The following LRRFIP1 variants were observed in gnomAD, a reference collection of about 807,000 sequenced individuals.
The protein encoded by LRRFIP1 is LRR binding FLII interacting protein 1, also known as leucine-rich repeat flightless-interacting protein 1.
In LRRFIP1, 62 loss-of-function variants were observed where a neutral mutation model predicts 104.4. The observed-to-expected ratio is 0.59, with a 90% CI of 0.48 to 0.73. The LOEUF is 0.73. Ranked by LOEUF, LRRFIP1 falls within the 30% of genes least tolerant of loss-of-function variation. The pLI is 0.00. For synonymous variants in LRRFIP1, 300 were observed against 299.0 expected (o/e 1.00, Z -0.03); for missense variants, 796 against 824.5 (o/e 0.97, Z 0.42).
Position 237,769,953 on chromosome 2 carries a change from G to A in LRRFIP1, c.1470G>A (p.Leu490=), listed in dbSNP as rs2060481734. The A allele has an allele frequency of 3.7e-6, 6 of 1,603,658 alleles. No homozygotes were observed. Among genetic ancestry groups the A allele is most frequent in the Admixed American group, 1.7e-5 (1 of 58,712 alleles). The change falls in exon 20 of 24, where the codon TTG becomes TTA. Residue 490 remains leucine (L), a synonymous_variant. Transcript: ENST00000308482. Reference sequence around the variant, plus strand: ...TTGTGATTTCTTTAGATATTAGGTTGAAAAAGCTGGTTGATGAACGGGAAT... The same window carrying A: ...TTGTGATTTCTTTAGATATTAGGTTAAAAAAGCTGGTTGATGAACGGGAAT... ...STGDGTLDIR[L]KKLVDERECL...
intron 1 of LRRFIP1, among the ~76,000 whole-genome samples, chr2:237,697,660 A>G (rs1475977970): frequency 6.6e-6 from 1 of 152,160 alleles, no homozygotes; most frequent in African/African-American, 2.4e-5. Context: ...CTCAGAGGAA[A>G]CAATTTAAAT....
At chr2:237,731,334 T>G (rs1052085548) in intron 8 of LRRFIP1, among the ~76,000 whole-genome samples, 2 of 152,078 alleles carry the variant, frequency 1.3e-5, no homozygotes, top group Non-Finnish European at 2.9e-5. Flanking sequence ...AGGGCACTTC[T>G]TCCTCACCTC....
At chr2:237,670,703 G>A (rs1319729671) in intron 1 of LRRFIP1, among the ~76,000 whole-genome samples, 1 of 152,226 alleles carries the variant, frequency 6.6e-6, no homozygotes, top group Admixed American at 6.5e-5. Context: ...GGTCCTGCCT[G>A]CCTGGGCCCA....
rs934879265 is a variant in LRRFIP1, at chr2:237,760,345, A to G, written c.1459+140A>G. 7.6e-5 allele frequency: 76 copies of G among 1,006,210 alleles called. 1 individual carries two copies. The East Asian group carries it at 2.0e-3, about 26-fold the overall frequency. The allele number at this position is 1,006,210 out of a possible 1,614,324, so 62.3% of individuals were successfully genotyped here. A position where few individuals can be genotyped will look rare whatever the true frequency, so the allele number is the denominator to read the frequency against. On this transcript the variant is annotated intron_variant, in intron 19 of 23. Transcript: ENST00000308482. The stretch of plus-strand genomic sequence containing the variant: ...GCCATTTGTTTCATCACTTCATGGT[A>G]ATTTCCTTGCCCACCCGGTGTGGTC...
chr2:237,711,240 G>A lies in LRRFIP1; in HGVS notation c.183+2610G>A, dbSNP rs1027125604. 2.0e-5 allele frequency among the ~76,000 whole-genome samples: 3 copies of A among 152,166 alleles called. No individual in the cohort carries two copies. The highest frequency in any genetic ancestry group is 2.9e-5 in the Non-Finnish European group (2 of 68,028). ...ATCTGATGAAATCGGGAAGTCTCAC[G>A]TAAAACGCCATGGTTTGCCTTCTTC... On this transcript the variant is annotated intron_variant, in intron 2 of 23. Coordinates refer to ENST00000308482, the MANE Select transcript of LRRFIP1 (RefSeq NM_001137550.2). The surrounding 1 kb of genome is among the most constrained non-coding windows in gnomAD (Gnocchi z 4.4).
chr2:237,765,855 T>C, intron 19 of LRRFIP1: 2 of 978,034 alleles, frequency 2.0e-6, no homozygotes, highest in Non-Finnish European at 2.4e-6. Flanking sequence ...AAAACCTCAA[T>C]AAAATTTGAG....
intron 1 of LRRFIP1, among the ~76,000 whole-genome samples, chr2:237,698,632 G>A (rs1277504149): frequency 6.6e-6 from 1 of 152,228 alleles, no homozygotes; most frequent in African/African-American, 2.4e-5. Flanking sequence ...GGTAATTTCA[G>A]TCTACTCCAT....
chr2:237,728,784 C>G (rs1362555436), intron 8 of LRRFIP1, among the ~76,000 whole-genome samples: 1 of 151,758 alleles, frequency 6.6e-6, no homozygotes, highest in East Asian at 1.9e-4. Flanking sequence ...TTAAATTATA[C>G]TTTTGGGCTT....
intron 19 of LRRFIP1, chr2:237,763,555 T>C (rs1014257214): frequency 7.4e-6 from 12 of 1,613,038 alleles, no homozygotes; most frequent in African/African-American, 4.0e-5. Flanking sequence ...TAAAGTCTAC[T>C]GACAGAAAGT....
At chr2:237,680,910 G>T (rs533678788) in intron 1 of LRRFIP1, among the ~76,000 whole-genome samples, 1 of 152,218 alleles carries the variant, frequency 6.6e-6, no homozygotes, top group Non-Finnish European at 1.5e-5. Context: ...GAGCCCAAGA[G>T]GTGGAGGCTG....
At chr2:237,677,215 C>A (rs902633191) in intron 1 of LRRFIP1, among the ~76,000 whole-genome samples, 3 of 152,164 alleles carry the variant, frequency 2.0e-5, no homozygotes, top group Non-Finnish European at 4.4e-5. Context: ...CTCCATCCAG[C>A]CCTGGCACCC....
rs556961233 is a variant in LRRFIP1 at position 237,717,439 on chromosome 2, C to A, written c.202-323C>A. On this transcript the variant is annotated intron_variant, in intron 3 of 23. Coordinates refer to ENST00000308482, the MANE Select transcript of LRRFIP1 (RefSeq NM_001137550.2). This position sits in a 1 kb window ranked among gnomAD's most constrained non-coding sequence, Gnocchi z 4.2. ...GGCATGAGCAGCCTGTTGGAGGGGG[C>A]GTGAAGGCTGCTGGGCCGGCTTTAC... Among the ~76,000 whole-genome samples the A allele has an allele frequency of 5.5e-4, 83 of 152,192 alleles. No homozygotes were observed. Among genetic ancestry groups the A allele is most frequent in the Non-Finnish European group, 1.0e-3 (70 of 68,022 alleles).
intron 1 of LRRFIP1, among the ~76,000 whole-genome samples, chr2:237,641,546 A>G (rs988909534): frequency 6.6e-6 from 1 of 151,880 alleles, no homozygotes; most frequent in African/African-American, 2.4e-5. Flanking sequence ...GACTTAGTCA[A>G]TCTTTTCTCC....
intron 1 of LRRFIP1, among the ~76,000 whole-genome samples, chr2:237,662,896 C>T (rs1004859160): frequency 1.3e-5 from 2 of 152,114 alleles, no homozygotes; most frequent in East Asian, 1.9e-4. Context: ...CAGGCATTAC[C>T]GCTCCTTTCC....
rs574424071 is a variant in LRRFIP1 at position 237,729,231 on chromosome 2, G to A, written c.444+1296G>A. Among the ~76,000 whole-genome samples, 7 of 152,256 alleles carry A rather than the reference G, an allele frequency of 4.6e-5. No homozygotes were observed. The South Asian group carries it at 8.3e-4, about 18-fold the overall frequency. On this transcript the variant is annotated intron_variant, in intron 8 of 23. Coordinates refer to ENST00000308482, the MANE Select transcript of LRRFIP1 (RefSeq NM_001137550.2). Reference sequence around the variant, plus strand: ...CATGAGCCATGGCACCCGGCTGGATGCGACATTTTAAAAATGTATACTCAA... The same window carrying A: ...CATGAGCCATGGCACCCGGCTGGATACGACATTTTAAAAATGTATACTCAA...
At chr2:237,677,907 AT>A (rs1455271529) in intron 1 of LRRFIP1, among the ~76,000 whole-genome samples, 1 of 152,188 alleles carries the variant, frequency 6.6e-6, no homozygotes, top group African/African-American at 2.4e-5. Context: ...TAGGGCATAT[AT>A]TTTAAATAAT....
intron 8 of LRRFIP1, among the ~76,000 whole-genome samples, chr2:237,729,025 C>T (rs549491646): frequency 4.8e-4 from 73 of 152,332 alleles, no homozygotes; most frequent in Admixed American, 1.2e-3. Flanking sequence ...TGGGTTCGAG[C>T]GATTCTCCTG....
chr2:237,664,500 C>T (rs1483764000), intron 1 of LRRFIP1, among the ~76,000 whole-genome samples: 2 of 152,202 alleles, frequency 1.3e-5, no homozygotes, highest in Non-Finnish European at 2.9e-5. Flanking sequence ...CGGGTAACAG[C>T]TCCAGGGAGG....
chr2:237,710,432 C>T (rs1004216499), intron 2 of LRRFIP1, among the ~76,000 whole-genome samples: 10 of 151,854 alleles, frequency 6.6e-5, no homozygotes, highest in East Asian at 1.9e-4. Context: ...TACAGGTACC[C>T]GCCACCATGC....
Sources: allele counts gnomAD v4.1 joint callset (sites outside exome capture counted in the v4.1 genomes callset), GRCh38; gene constraint gnomAD v4.1.1; non-coding constraint Gnocchi (gnomAD v3.1); transcripts MANE v1.5; gene names NCBI Gene and HGNC (gene_info 2026-07-23, HGNC 2026-07-21).